CCNY: variants seen among roughly 807,000 people sequenced by gnomAD.
The protein encoded by CCNY is cyclin Y.
A neutral mutation model predicts 42.8 loss-of-function variants in CCNY; 19 were observed. The ratio of observed to expected loss-of-function variants is 0.44; its 90% confidence interval spans 0.31 to 0.65. The LOEUF is 0.65. Among genes scored for constraint, CCNY ranks in the 30% least tolerant of loss-of-function variants. The probability of loss-of-function intolerance (pLI) is 0.07; values close to 1 mark genes in which losing one functional copy is unlikely to be tolerated. For missense variants in CCNY, 370 were observed against 437.3 expected, an observed-to-expected ratio of 0.85 and a Z score of 1.37; for synonymous variants, 165 against 162.7, an observed-to-expected ratio of 1.01 and a Z score of -0.11.
In CCNY at chr10:35,429,142, T is replaced by G. The variant is rs537870525; in HGVS notation, c.155-54262T>G. 2.0e-4 allele frequency among the ~76,000 whole-genome samples: 30 copies of G among 152,318 alleles called. No individual in the cohort carries two copies. In the East Asian group the frequency reaches 4.2e-3, roughly 22 times the overall value. ...TGGGTAGTGAAGTGTATTCTTTGACTTTGTGATTTTCTTCATATTCTTGTA... is the reference window on the plus strand; with the variant it reads ...TGGGTAGTGAAGTGTATTCTTTGACGTTGTGATTTTCTTCATATTCTTGTA... On this transcript the variant is annotated intron_variant, in intron 1 of 9. Transcript: ENST00000374704.
At chr10:35,362,072 A>G (rs1836698715) in intron 1 of CCNY, among the ~76,000 whole-genome samples, 1 of 152,240 alleles carries the variant, frequency 6.6e-6, no homozygotes, top group African/African-American at 2.4e-5. Flanking sequence ...TGAAACAGAA[A>G]TGAATTTTAT....
intron 3 of CCNY, 84 bp from the exon 4 acceptor site, chr10:35,516,439 T>A (rs1326460358): frequency 1.1e-6 from 1 of 886,306 alleles, no homozygotes; most frequent in Admixed American, 1.9e-5. Flanking sequence ...TGTGGTCTTA[T>A]CTCAAGTTAA....
At chr10:35,531,108 T>C (rs571288980) in intron 7 of CCNY, among the ~76,000 whole-genome samples, 1 of 152,370 alleles carries the variant, frequency 6.6e-6, no homozygotes, top group Non-Finnish European at 1.5e-5. Context: ...TAAAATGTTA[T>C]GCACTATTTA....
At chr10:35,434,437 G>T (rs371576731) in intron 1 of CCNY, among the ~76,000 whole-genome samples, 1 of 152,162 alleles carries the variant, frequency 6.6e-6, no homozygotes, top group African/African-American at 2.4e-5. Flanking sequence ...GGAGAGTTTT[G>T]TCCTGCTCTT....
chr10:35,483,536 A>G, intron 2 of CCNY, 58 bp downstream of exon 2: 1 of 1,063,738 alleles, frequency 9.4e-7, no homozygotes, highest in Non-Finnish European at 1.4e-6. Flanking sequence ...TACTTCGCCT[A>G]GTGTTGATTT....
chr10:35,306,048 T>C (rs1835602588), intron 3 of CCNY, among the ~76,000 whole-genome samples: 2 of 152,198 alleles, frequency 1.3e-5, no homozygotes. Flanking sequence ...TTTTTTTCTT[T>C]ATGAGAGACA....
intron 3 of CCNY, among the ~76,000 whole-genome samples, chr10:35,326,956 C>T (rs1260150376): frequency 6.6e-6 from 1 of 152,156 alleles, no homozygotes; most frequent in Non-Finnish European, 1.5e-5. Flanking sequence ...GGTCTTATAA[C>T]CACGTATGAA....
intron 1 of CCNY, among the ~76,000 whole-genome samples, chr10:35,463,293 A>G (rs1230572725): frequency 6.6e-6 from 1 of 152,140 alleles, no homozygotes; most frequent in Non-Finnish European, 1.5e-5. Context: ...TGTCTGGCAC[A>G]TGGTAGATGC....
At chr10:35,304,706 T>G (rs1835585676) in intron 3 of CCNY, among the ~76,000 whole-genome samples, 1 of 152,200 alleles carries the variant, frequency 6.6e-6, no homozygotes, top group Non-Finnish European at 1.5e-5. Flanking sequence ...ATTTTTGTTT[T>G]GGGGGGCTGT....
intron 4 of CCNY, among the ~76,000 whole-genome samples, chr10:35,524,221 G>A (rs1017903816): frequency 1.3e-5 from 2 of 152,128 alleles, no homozygotes; most frequent in African/African-American, 4.8e-5. Flanking sequence ...GTTAACATAC[G>A]TGAAAACACT....
intron 8 of CCNY, among the ~76,000 whole-genome samples, chr10:35,560,906 T>C (rs1305562134): frequency 6.6e-6 from 1 of 152,130 alleles, no homozygotes; most frequent in African/African-American, 2.4e-5. Context: ...GGTAGCCCTT[T>C]ATGGGGAGAG....
At chr10:35,271,502 G>C (rs1413317040) in intron 3 of CCNY, among the ~76,000 whole-genome samples, 1 of 152,138 alleles carries the variant, frequency 6.6e-6, no homozygotes, top group Non-Finnish European at 1.5e-5. Context: ...TGAAATACCC[G>C]AGCATTCTGT....
chr10:35,266,249 CTTTTTTTTTTTT>C (rs773886027), intron 3 of CCNY, among the ~76,000 whole-genome samples: 1 of 110,126 alleles, frequency 9.1e-6, no homozygotes, highest in Non-Finnish European at 1.8e-5. Context: ...GGCTAATTTC[CTTTTTTTTTTTT>C]TTTTTTTTTT....
At chr10:35,378,900 T>C (rs1837114643) in intron 1 of CCNY, among the ~76,000 whole-genome samples, 1 of 152,184 alleles carries the variant, frequency 6.6e-6, no homozygotes, top group Non-Finnish European at 1.5e-5. Context: ...CTGGTTTGTT[T>C]GCAACTGCAC....
At chr10:35,278,224 T>C (rs954784562) in intron 3 of CCNY, among the ~76,000 whole-genome samples, 5 of 152,078 alleles carry the variant, frequency 3.3e-5, no homozygotes, top group Non-Finnish European at 7.4e-5. Flanking sequence ...GCTCAAAAGA[T>C]ACAATGCTGA....
chr10:35,531,068 CAAAAG>C (rs1368870443), intron 7 of CCNY, among the ~76,000 whole-genome samples: 1 of 152,126 alleles, frequency 6.6e-6, no homozygotes, highest in Non-Finnish European at 1.5e-5. Context: ...GACCCTGTCT[CAAAAG>C]AAAAAGTATT....
intron 1 of CCNY, among the ~76,000 whole-genome samples, chr10:35,440,668 A>G (rs559420115): frequency 8.5e-5 from 13 of 152,254 alleles, no homozygotes; most frequent in African/African-American, 2.6e-4. Flanking sequence ...CCTGTGGGAG[A>G]GAACTTCAGA....
At chr10:35,392,990 C>A (rs1031725431) in intron 1 of CCNY, among the ~76,000 whole-genome samples, 1 of 152,126 alleles carries the variant, frequency 6.6e-6, no homozygotes, top group African/African-American at 2.4e-5. Flanking sequence ...CCCCGGCCTA[C>A]GTTCAGCAAG....
intron 1 of CCNY, among the ~76,000 whole-genome samples, chr10:35,413,799 C>G (rs1361246967): frequency 6.6e-6 from 1 of 152,182 alleles, no homozygotes; most frequent in Non-Finnish European, 1.5e-5. Flanking sequence ...GAAAAAGGCT[C>G]CAGTGGCACT....
Sources: gnomAD v4.1 joint callset for allele counts (sites outside exome capture counted in the v4.1 genomes callset) on GRCh38, gnomAD v4.1.1 for gene constraint, MANE v1.5 for transcripts, NCBI Gene and HGNC (gene_info 2026-07-23, HGNC 2026-07-21) for gene names.